Variants in TSPYL1 observed in about 807,000 individuals in gnomAD.
TSPYL1 encodes the protein TSPY like 1, also known as testis-specific Y-encoded-like protein 1.
TSPYL1 carries 16 observed loss-of-function variants against 20.1 expected under a neutral mutation model. The ratio of observed to expected loss-of-function variants is 0.80; its 90% CI spans 0.54 to 1.21. The LOEUF is 1.21. Ranked by LOEUF, TSPYL1 falls within the 50% of genes most tolerant of loss-of-function variation. The pLI, the probability that TSPYL1 is intolerant of heterozygous loss-of-function variation, is 0.00. For missense variants in TSPYL1, 560 were observed against 569.3 expected (o/e 0.98, Z 0.17); for synonymous variants, 259 against 227.1 (o/e 1.14, Z -1.26).
In TSPYL1 at chr6:116,276,154, C is replaced by T. The variant is rs1162630535; in HGVS notation, c.*2363G>A. On this transcript the variant is annotated 3_prime_UTR_variant, in exon 1 of 1. Coordinates refer to ENST00000368608, the MANE Select transcript of TSPYL1 (RefSeq NM_003309.4). ...TCTATGGGGAACAGAAAGACTTTGGCAGAGGAATTACCAAGGGCAGGCCTT... is the reference window on the plus strand; with the variant it reads ...TCTATGGGGAACAGAAAGACTTTGGTAGAGGAATTACCAAGGGCAGGCCTT... 1.3e-5 allele frequency among the ~76,000 whole-genome samples: 2 copies of T among 152,046 alleles called. No homozygotes were observed. The highest frequency in any genetic ancestry group is 4.8e-5 in the African/African-American group (2 of 41,402).
chr6:116,279,689 C>T lies in TSPYL1; in HGVS notation c.142G>A (p.Glu48Lys). The T allele has an allele frequency of 6.2e-7, 1 of 1,610,220 alleles. No homozygotes were observed. Among genetic ancestry groups the T allele is most frequent in the Non-Finnish European group, 8.5e-7 (1 of 1,180,016 alleles). The change falls in exon 1 of 1, where the codon GAG becomes AAG. Residue 48 changes from glutamate to lysine, a missense_variant. Transcript: ENST00000368608. ...GTCTCCGAGCCTCCCTCACCCGGCTCCGCCATCACCTGTGTCGCCTCGCTT... is the reference window on the plus strand; with the variant it reads ...GTCTCCGAGCCTCCCTCACCCGGCTTCGCCATCACCTGTGTCGCCTCGCTT... ...DQSEATQVMA[E>K]PGEGGSETVA...
rs1216485427 is a variant in TSPYL1, at chr6:116,277,507, G to A, written c.*1010C>T. Reference sequence around the variant, plus strand: ...TTCTAGGAGTTGATAAAAGGGCTAGGAAGTAGGAAGTTGGGAAGAAGGGGA... The same window carrying A: ...TTCTAGGAGTTGATAAAAGGGCTAGAAAGTAGGAAGTTGGGAAGAAGGGGA... On this transcript the variant is annotated 3_prime_UTR_variant, in exon 1 of 1. Transcript: ENST00000368608. The A allele has an allele frequency of 6.6e-6, 1 of 152,280 alleles. No homozygotes were observed. Among genetic ancestry groups the A allele is most frequent in the South Asian group, 2.1e-4 (1 of 4,832 alleles). The allele number at this position is 152,280 out of a possible 1,614,324, so 9.4% of individuals were successfully genotyped here. A position where few individuals can be genotyped will look rare whatever the true frequency, so the allele number is the denominator to read the frequency against.
In TSPYL1 at chr6:116,279,389, C is replaced by G. The variant is rs766002611; in HGVS notation, c.442G>C (p.Ala148Pro). 6.2e-7 allele frequency: 1 copy of G among 1,612,912 alleles called. No homozygotes were observed. The highest frequency in any genetic ancestry group is 1.7e-5 in the Admixed American group (1 of 60,024). The change falls in exon 1 of 1, where the codon GCG (alanine) becomes CCG (proline). Residue 148 changes from alanine to proline, a missense_variant. Transcript: ENST00000368608. The stretch of plus-strand genomic sequence containing the variant: ...TTCACCTCCTCCGCCTCAGCCTCCG[C>G]CCCCGCCGTCAGCTCAGACGCGGAT... ...QRSASELTAGAEAEAEEVKTG... is the reference protein window; with the variant it reads ...QRSASELTAGPEAEAEEVKTG...
Position 116,276,008 on chromosome 6 carries a change from A to C in TSPYL1, c.*2509T>G, listed in dbSNP as rs1773125254. ...CCCAGTTCCCCAAAGAAGGGAATGG[A>C]CTTTATCTTCTTACTCTTTTTCTCT... is the stretch of plus-strand genomic sequence containing the variant. On this transcript the variant is annotated 3_prime_UTR_variant, in exon 1 of 1. Transcript: ENST00000368608. 6.6e-6 allele frequency among the ~76,000 whole-genome samples: 1 copy of C among 152,200 alleles called. No individual in the cohort carries two copies.
chr6:116,279,854 C>CA lies in TSPYL1; in HGVS notation c.-25dup. On this transcript the variant is annotated 5_prime_UTR_variant, in exon 1 of 1. Transcript: ENST00000368608. ...ATGTTGCTAACAGTCGGACCAACCG[C>CA]AGGCGAACGCCCGTTTTCCTCAGAG... is the stretch of plus-strand genomic sequence containing the variant. 6.2e-7 allele frequency: 1 copy of CA among 1,613,072 alleles called. No individual in the cohort carries two copies. The highest frequency in any genetic ancestry group is 1.3e-5 in the African/African-American group (1 of 75,052).
chr6:116,277,678 G>A lies in TSPYL1; in HGVS notation c.*839C>T, dbSNP rs1773214805. 2 of 152,112 alleles carry A rather than the reference G, an allele frequency of 1.3e-5. No homozygotes were observed. Among genetic ancestry groups the A allele is most frequent in the African/African-American group, 4.8e-5 (2 of 41,404 alleles). The allele number at this position is 152,112 out of a possible 1,614,324, so 9.4% of individuals were successfully genotyped here. A position where few individuals can be genotyped will look rare whatever the true frequency, so the allele number is the denominator to read the frequency against. ...AGAGAGGATTGGGAGGCTAAGGAGG[G>A]CGGATCACGAGATCGGGGTTCGAGA... On this transcript the variant is annotated 3_prime_UTR_variant, in exon 1 of 1. Transcript: ENST00000368608.
Position 116,278,395 on chromosome 6 carries a change from G to A in TSPYL1, c.*122C>T. The stretch of plus-strand genomic sequence containing the variant: ...GAGAACTGAATATCCAAAGGAAACA[G>A]GGTGCAGAAAAGTCAGCAAAAACAA... On this transcript the variant is annotated 3_prime_UTR_variant, in exon 1 of 1. Transcript: ENST00000368608. The A allele has an allele frequency of 1.6e-6, 2 of 1,275,210 alleles. No individual in the cohort carries two copies. The highest frequency in any genetic ancestry group is 3.8e-5 in the Admixed American group (2 of 53,216). 79.0% of individuals were successfully genotyped at this position (1,275,210 alleles called of 1,614,324 possible). A position where few individuals can be genotyped will look rare whatever the true frequency, so the allele number is the denominator to read the frequency against.
At position 116,278,216 on chromosome 6, in the gene TSPYL1, C is replaced by A. The variant is rs905282050; in HGVS notation, c.*301G>T. 6 of 377,800 alleles carry A rather than the reference C, an allele frequency of 1.6e-5. No individual in the cohort carries two copies. The highest frequency in any genetic ancestry group is 1.0e-4 in the African/African-American group (5 of 48,164). 23.4% of individuals were successfully genotyped at this position (377,800 alleles called of 1,614,324 possible). A position where few individuals can be genotyped will look rare whatever the true frequency, so the allele number is the denominator to read the frequency against. On this transcript the variant is annotated 3_prime_UTR_variant, in exon 1 of 1. Coordinates refer to ENST00000368608, the MANE Select transcript of TSPYL1 (RefSeq NM_003309.4). ...GCCCTGGGAATAAACAGGGTCCAAG[C>A]AGTGCAGATAAAGGCAGTACAATCT...
chr6:116,279,866 C>T lies in TSPYL1; in HGVS notation c.-36G>A. On this transcript the variant is annotated 5_prime_UTR_variant, in exon 1 of 1. Coordinates refer to ENST00000368608, the MANE Select transcript of TSPYL1 (RefSeq NM_003309.4). ...GTCGGACCAACCGCAGGCGAACGCC[C>T]GTTTTCCTCAGAGGCCGAACTGGGA... 6.2e-7 allele frequency: 1 copy of T among 1,613,038 alleles called. No homozygotes were observed. The highest frequency in any genetic ancestry group is 8.5e-7 in the Non-Finnish European group (1 of 1,180,030).
In TSPYL1 at chr6:116,279,075, C is replaced by T; in HGVS notation, c.756G>A (p.Gln252=). 1 of 1,613,424 alleles carries T rather than the reference C, an allele frequency of 6.2e-7. No individual in the cohort carries two copies. Among genetic ancestry groups the T allele is most frequent in the Non-Finnish European group, 8.5e-7 (1 of 1,179,444 alleles). Residue 252 remains glutamine (Q), a synonymous_variant, in exon 1 of 1, where the codon CAG becomes CAA. Transcript: ENST00000368608. ...VNAQADRAFQ[Q]LEHKFGRMRR... ...GCATCCGCCCAAACTTGTGCTCCAG[C>T]TGTTGGAAGGCCCTGTCGGCCTGAG...
Position 116,279,278 on chromosome 6 carries a change from C to G in TSPYL1, c.553G>C (p.Val185Leu). Reference protein sequence around the residue: ...VVKEGLAEKEVMEEQMEVEEQ... With the variant: ...VVKEGLAEKELMEEQMEVEEQ... ...TCTACCTCCATCTGCTCCTCCATTACCTCCTTCTCCGCCAGGCCTTCCTTC... is the reference window on the plus strand; with the variant it reads ...TCTACCTCCATCTGCTCCTCCATTAGCTCCTTCTCCGCCAGGCCTTCCTTC... Residue 185 changes from valine (V) to leucine (L), a missense_variant, in exon 1 of 1, where the codon GTA becomes CTA. By Grantham distance (32) the Val-to-Leu change is conservative. Transcript: ENST00000368608. 1 of 1,578,150 alleles carries G rather than the reference C, an allele frequency of 6.3e-7. No homozygotes were observed. The highest frequency in any genetic ancestry group is 1.6e-5 in the African/African-American group (1 of 61,092).
rs1773163808 is a variant in TSPYL1 at position 116,276,801 on chromosome 6, T to C, written c.*1716A>G. 6.6e-6 allele frequency: 1 copy of C among 152,208 alleles called. No individual in the cohort carries two copies. The highest frequency in any genetic ancestry group is 6.5e-5 in the Admixed American group (1 of 15,282). The allele number at this position is 152,208 out of a possible 1,614,324, so 9.4% of individuals were successfully genotyped here. A position where few individuals can be genotyped will look rare whatever the true frequency, so the allele number is the denominator to read the frequency against. ...AATATGCCAATGGTACACTTCCAAT[T>C]TGTCAGAGCAATTTCACAGTATTTA... On this transcript the variant is annotated 3_prime_UTR_variant, in exon 1 of 1. Coordinates refer to ENST00000368608, the MANE Select transcript of TSPYL1 (RefSeq NM_003309.4).
At position 116,274,983 on chromosome 6, in the gene TSPYL1, T is replaced by C. The variant is rs1166175974; in HGVS notation, c.*3534A>G. Among the ~76,000 whole-genome samples, 1 of 152,166 alleles carries C rather than the reference T, an allele frequency of 6.6e-6. No homozygotes were observed. Among genetic ancestry groups the C allele is most frequent in the Non-Finnish European group, 1.5e-5 (1 of 68,040 alleles). ...GTAGCCACATTAAACAATGGCAAAA[T>C]GAGGATAATTAATTTTTCAATATAT... On this transcript the variant is annotated 3_prime_UTR_variant, in exon 1 of 1. Coordinates refer to ENST00000368608, the MANE Select transcript of TSPYL1 (RefSeq NM_003309.4).
Position 116,279,704 on chromosome 6 carries a change from T to C in TSPYL1, c.127A>G (p.Thr43Ala). The C allele has an allele frequency of 6.2e-7, 1 of 1,610,990 alleles. No individual in the cohort carries two copies. The highest frequency in any genetic ancestry group is 8.5e-7 in the Non-Finnish European group (1 of 1,180,018). The change falls in exon 1 of 1, where the codon ACA (threonine) becomes GCA (alanine). Residue 43 changes from threonine (T) to alanine (A), a missense_variant. Physicochemically the swap from Thr to Ala is moderately conservative, Grantham distance 58. Transcript: ENST00000368608. The stretch of plus-strand genomic sequence containing the variant: ...TCACCCGGCTCCGCCATCACCTGTG[T>C]CGCCTCGCTTTGGTCGCGGAGCCTC... ...YLRLRDQSEA[T>A]QVMAEPGEGG...
chr6:116,275,790 C>T lies in TSPYL1; in HGVS notation c.*2727G>A, dbSNP rs1773112998. ...CGCTCCAGCCTGGGCAAGAGTGGGA[C>T]TCTATCTCAAAAAAAAAAAAAAAAA... On this transcript the variant is annotated 3_prime_UTR_variant, in exon 1 of 1. Coordinates refer to ENST00000368608, the MANE Select transcript of TSPYL1 (RefSeq NM_003309.4). Among the ~76,000 whole-genome samples the T allele has an allele frequency of 7.3e-6, 1 of 136,614 alleles. No homozygotes were observed. The highest frequency in any genetic ancestry group is 7.0e-5 in the Admixed American group (1 of 14,192). 89.6% of individuals were successfully genotyped at this position (136,614 alleles called of 152,430 possible). A position where few individuals can be genotyped will look rare whatever the true frequency, so the allele number is the denominator to read the frequency against.
chr6:116,279,440 C>T lies in TSPYL1; in HGVS notation c.391G>A (p.Ala131Thr). ...LKKGVQGGEKALEICGAQRSA... is the reference protein window; with the variant it reads ...LKKGVQGGEKTLEICGAQRSA... Reference sequence around the variant, plus strand: ...CTCTGGGCGCCACAGATTTCTAGGGCCTTCTCTCCACCCTGAACGCCCTTT... The same window carrying T: ...CTCTGGGCGCCACAGATTTCTAGGGTCTTCTCTCCACCCTGAACGCCCTTT... The change falls in exon 1 of 1, where the codon GCC becomes ACC. Residue 131 changes from alanine to threonine, a missense_variant. Ala to Thr is a moderately conservative substitution (Grantham distance 58). Coordinates refer to ENST00000368608, the MANE Select transcript of TSPYL1 (RefSeq NM_003309.4). 1 of 1,613,496 alleles carries T rather than the reference C, an allele frequency of 6.2e-7. No individual in the cohort carries two copies. The highest frequency in any genetic ancestry group is 8.5e-7 in the Non-Finnish European group (1 of 1,180,030).
Position 116,276,400 on chromosome 6 carries a change from A to G in TSPYL1, c.*2117T>C, listed in dbSNP as rs78062676. On this transcript the variant is annotated 3_prime_UTR_variant, in exon 1 of 1. Coordinates refer to ENST00000368608, the MANE Select transcript of TSPYL1 (RefSeq NM_003309.4). Reference sequence around the variant, plus strand: ...GGGGAGGTTGTGCTGCATAAACTACATGGAAAAAAGTGATTGAGTAAGCAG... The same window carrying G: ...GGGGAGGTTGTGCTGCATAAACTACGTGGAAAAAAGTGATTGAGTAAGCAG... Among the ~76,000 whole-genome samples, 22 of 152,334 alleles carry G rather than the reference A, an allele frequency of 1.4e-4. No individual in the cohort carries two copies. The East Asian group carries it at 4.2e-3, about 29-fold the overall frequency.
rs947787023 is a variant in TSPYL1 at position 116,276,917 on chromosome 6, A to G, written c.*1600T>C. ...AATCAATTAAACCATACTTTTGTAG[A>G]TTATTTTTCCATGAAGGCAATTTGA... On this transcript the variant is annotated 3_prime_UTR_variant, in exon 1 of 1. Coordinates refer to ENST00000368608, the MANE Select transcript of TSPYL1 (RefSeq NM_003309.4). 6.6e-6 allele frequency: 1 copy of G among 152,240 alleles called. No homozygotes were observed. The highest frequency in any genetic ancestry group is 1.5e-5 in the Non-Finnish European group (1 of 68,036). 9.4% of individuals were successfully genotyped at this position (152,240 alleles called of 1,614,324 possible).
Position 116,279,388 on chromosome 6 carries a change from G to A in TSPYL1, c.443C>T (p.Ala148Val). ...QRSASELTAGAEAEAEEVKTG... is the reference protein window; with the variant it reads ...QRSASELTAGVEAEAEEVKTG... ...CTTCACCTCCTCCGCCTCAGCCTCCGCCCCCGCCGTCAGCTCAGACGCGGA... is the reference window on the plus strand; with the variant it reads ...CTTCACCTCCTCCGCCTCAGCCTCCACCCCCGCCGTCAGCTCAGACGCGGA... Residue 148 changes from alanine to valine, a missense_variant, in exon 1 of 1, where the codon GCG becomes GTG. Ala to Val is a moderately conservative substitution (Grantham distance 64). Transcript: ENST00000368608. 1 of 1,612,704 alleles carries A rather than the reference G, an allele frequency of 6.2e-7. No homozygotes were observed. Among genetic ancestry groups the A allele is most frequent in the Non-Finnish European group, 8.5e-7 (1 of 1,180,004 alleles).
Sources: allele counts gnomAD v4.1 joint callset (sites outside exome capture counted in the v4.1 genomes callset), GRCh38; gene constraint gnomAD v4.1.1; transcripts MANE v1.5; gene names NCBI Gene and HGNC (gene_info 2026-07-23, HGNC 2026-07-21).